ATRNL1: variants seen among roughly 807,000 people sequenced by gnomAD.
ATRNL1 encodes the protein attractin like 1.
Under a neutral mutation model 182.7 loss-of-function variants are expected in ATRNL1, and 95 were observed. The observed-to-expected ratio is 0.52, with a 90% confidence interval of 0.44 to 0.62. The LOEUF (loss-of-function observed/expected upper bound fraction) is 0.62, where lower values mean the gene tolerates loss of function less well. ATRNL1 is among the 20% of genes least tolerant of loss of function. The pLI is 0.00. For missense variants in ATRNL1, 1,471 were observed against 1,679.5 expected (o/e 0.88, Z 2.17); for synonymous variants, 576 against 568.3 (o/e 1.01, Z -0.19).
chr10:115,317,507 A>G (rs190517810), intron 18 of ATRNL1, among the ~76,000 whole-genome samples: 3 of 152,146 alleles, frequency 2.0e-5, no homozygotes, highest in Non-Finnish European at 4.4e-5. Flanking sequence ...TACGATATTG[A>G]TTCTTCCTCT....
At chr10:115,465,977 A>G (rs530214762) in intron 22 of ATRNL1, among the ~76,000 whole-genome samples, 1 of 151,442 alleles carries the variant, frequency 6.6e-6, no homozygotes, top group Non-Finnish European at 1.5e-5. Flanking sequence ...GGAAATCATT[A>G]AGAGTAGATG....
intron 27 of ATRNL1, among the ~76,000 whole-genome samples, chr10:115,804,751 G>A (rs1274140820): frequency 3.9e-5 from 6 of 152,136 alleles, no homozygotes; most frequent in Non-Finnish European, 8.8e-5. Flanking sequence ...CGTAGTGGAG[G>A]TAGGTTTCCT....
chr10:115,174,712 T>G (rs957873941), intron 8 of ATRNL1, among the ~76,000 whole-genome samples: 2 of 151,970 alleles, frequency 1.3e-5, no homozygotes, highest in Non-Finnish European at 2.9e-5. Context: ...CATGGTTGTG[T>G]TCAATAAAAA....
intron 24 of ATRNL1, among the ~76,000 whole-genome samples, chr10:115,517,324 A>C (rs1366343671): frequency 6.6e-6 from 1 of 151,746 alleles, no homozygotes; most frequent in Non-Finnish European, 1.5e-5. Flanking sequence ...TCACTTTGCT[A>C]TTAATATTGG....
chr10:115,642,451 C>CT (rs570218923), intron 26 of ATRNL1, among the ~76,000 whole-genome samples: 3,357 of 130,470 alleles, frequency 0.026, 109 homozygotes, highest in African/African-American at 0.088. Context: ...TTTTTTTTTT[C>CT]TTTTTTTTTG....
chr10:115,516,130 A>G (rs1850625449), intron 24 of ATRNL1, among the ~76,000 whole-genome samples: 1 of 151,750 alleles, frequency 6.6e-6, no homozygotes, highest in African/African-American at 2.4e-5. Context: ...GTTACTGTCT[A>G]CTCTTGAACA....
chr10:115,216,449 G>T (rs1849237271), intron 9 of ATRNL1, among the ~76,000 whole-genome samples: 1 of 152,144 alleles, frequency 6.6e-6, no homozygotes, highest in South Asian at 2.1e-4. Flanking sequence ...TTTTGCCAAG[G>T]TGATGGGTGT....
chr10:115,304,875 G>A (rs1473164635), intron 17 of ATRNL1, among the ~76,000 whole-genome samples: 3 of 152,168 alleles, frequency 2.0e-5, no homozygotes, highest in African/African-American at 7.2e-5. Flanking sequence ...GCATACTAAA[G>A]GTTGCCGGCT....
At chr10:115,482,318 A>T (rs1417088668) in intron 24 of ATRNL1, among the ~76,000 whole-genome samples, 2 of 150,992 alleles carry the variant, frequency 1.3e-5, no homozygotes, top group African/African-American at 2.4e-5. Context: ...TGAAATTTAG[A>T]ATTTTTACTA....
intron 20 of ATRNL1, among the ~76,000 whole-genome samples, chr10:115,415,942 A>G (rs1845368106): frequency 6.6e-6 from 1 of 151,968 alleles, no homozygotes; most frequent in Non-Finnish European, 1.5e-5. Context: ...ATACTATTTA[A>G]TTATAGAGAC....
At chr10:115,094,691 G>A (rs1323448731) in intron 1 of ATRNL1, among the ~76,000 whole-genome samples, 1 of 152,128 alleles carries the variant, frequency 6.6e-6, no homozygotes, top group Non-Finnish European at 1.5e-5. Context: ...GAGAGAAATC[G>A]AGGCGATACA....
intron 27 of ATRNL1, among the ~76,000 whole-genome samples, chr10:115,796,667 G>T (rs1949661639): frequency 6.6e-6 from 1 of 152,154 alleles, no homozygotes; most frequent in South Asian, 2.1e-4. Flanking sequence ...TCTTATCAGT[G>T]ATCTCAGTCA....
chr10:115,176,807 A>T (rs1264758), intron 8 of ATRNL1, among the ~76,000 whole-genome samples: 11,861 of 151,968 alleles, frequency 0.078, 1,479 homozygotes, highest in African/African-American at 0.26. Context: ...CTCTTTTTTT[A>T]AAAAAATTTA....
chr10:115,738,965 T>C (rs893849574), intron 27 of ATRNL1, among the ~76,000 whole-genome samples: 3 of 152,092 alleles, frequency 2.0e-5, no homozygotes, highest in African/African-American at 7.2e-5. Context: ...AATATATATA[T>C]TTATAATTAT....
At chr10:115,527,116 C>CTT (rs35691625) in intron 25 of ATRNL1, among the ~76,000 whole-genome samples, 2 of 118,670 alleles carry the variant, frequency 1.7e-5, no homozygotes, top group Admixed American at 8.3e-5. Context: ...CAGAGAGGCA[C>CTT]TTTTTTTTTT....
At position 115,100,871 on chromosome 10, in the gene ATRNL1, CTGTT is replaced by C. The variant is rs764456255; in HGVS notation, c.293+6830_293+6833del. 1.2e-3 allele frequency among the ~76,000 whole-genome samples: 188 copies of C among 152,218 alleles called. 1 individual carries two copies. The highest frequency in any genetic ancestry group is 2.7e-3 in the Admixed American group (42 of 15,286). ...GTTTTGAGTTTCCTACATGGTATAT[CTGTT>C]TATTTATTTAGTTGTTTAATCTGTC... On this transcript the variant is annotated intron_variant, in intron 1 of 28. Coordinates refer to ENST00000355044, the MANE Select transcript of ATRNL1 (RefSeq NM_207303.4).
chr10:115,407,296 C>A (rs115564412), intron 20 of ATRNL1, among the ~76,000 whole-genome samples: 1 of 152,042 alleles, frequency 6.6e-6, no homozygotes, highest in Non-Finnish European at 1.5e-5. Flanking sequence ...CTATAGTCCT[C>A]TTAAAGTAGT....
chr10:115,377,358 T>G (rs990107180), intron 19 of ATRNL1, among the ~76,000 whole-genome samples: 42 of 152,156 alleles, frequency 2.8e-4, no homozygotes, highest in African/African-American at 9.2e-4. Flanking sequence ...GCCATTCACC[T>G]TCCACCATGA....
intron 1 of ATRNL1, among the ~76,000 whole-genome samples, chr10:115,098,151 G>GTGTATTTAAA (rs2085062694): frequency 6.6e-6 from 1 of 152,070 alleles, no homozygotes; most frequent in Non-Finnish European, 1.5e-5. Flanking sequence ...TAATCACACA[G>GTGTATTTAAA]TAGGAATTTA....
Sources: gnomAD v4.1 joint callset for allele counts (sites outside exome capture counted in the v4.1 genomes callset) on GRCh38, gnomAD v4.1.1 for gene constraint, MANE v1.5 for transcripts, NCBI Gene and HGNC (gene_info 2026-07-23, HGNC 2026-07-21) for gene names.